The following RNF38 variants were observed in gnomAD, a reference collection of about 807,000 sequenced individuals.
The protein encoded by RNF38 is ring finger protein 38.
Under a neutral mutation model 67.2 loss-of-function variants are expected in RNF38, and 15 were observed. That is an observed-to-expected ratio of 0.22 (90% confidence interval 0.15 to 0.34). The LOEUF is 0.34. Ranked by LOEUF, RNF38 falls within the 10% of genes least tolerant of loss-of-function variation. RNF38 has a pLI of 1.00. For synonymous variants in RNF38, 220 were observed against 218.8 expected (o/e 1.01, Z -0.05); for missense variants, 524 against 639.9 (o/e 0.82, Z 1.95).
At chr9:36,402,467 T>C (rs1838073032), upstream of RNF38, among the ~76,000 whole-genome samples, 1 of 150,212 alleles carries the variant, frequency 6.7e-6, no homozygotes, top group South Asian at 2.1e-4. Context: ...GCCTTCCAAT[T>C]ACAGATCTTC....
intron 1 of RNF38, among the ~76,000 whole-genome samples, chr9:36,394,371 G>T (rs894819460): frequency 1.3e-5 from 2 of 152,128 alleles, no homozygotes; most frequent in African/African-American, 4.8e-5. Flanking sequence ...CATGGAAATT[G>T]TAAGGAAATA....
intron 2 of RNF38, among the ~76,000 whole-genome samples, chr9:36,409,755 G>A (rs747143551): frequency 9.9e-5 from 15 of 152,142 alleles, no homozygotes; most frequent in African/African-American, 2.9e-4. Flanking sequence ...TGTGATACAC[G>A]GTGCATCTCC....
chr9:36,389,360 AC>A (rs775969624), intron 2 of RNF38, among the ~76,000 whole-genome samples: 9 of 140,960 alleles, frequency 6.4e-5, no homozygotes, highest in African/African-American at 2.1e-4. Context: ...AAAAAAAAAA[AC>A]CCTTTTTATT....
Position 36,353,156 on chromosome 9 carries a change from C to G in RNF38, c.1071+14G>C. On this transcript the variant is annotated intron_variant, in intron 7 of 11. Coordinates refer to ENST00000259605, the MANE Select transcript of RNF38 (RefSeq NM_022781.5). ...CAAAGCAAGTAATTAACATAGTACT[C>G]TGTGAAAACTTACTACTCCAAAGGA... is the stretch of plus-strand genomic sequence containing the variant. 1 of 1,609,076 alleles carries G rather than the reference C, an allele frequency of 6.2e-7. No individual in the cohort carries two copies. The highest frequency in any genetic ancestry group is 1.1e-5 in the South Asian group (1 of 90,962).
At chr9:36,386,730 C>T (rs1836667268) in intron 2 of RNF38, among the ~76,000 whole-genome samples, 1 of 152,202 alleles carries the variant, frequency 6.6e-6, no homozygotes, top group South Asian at 2.1e-4. Flanking sequence ...TCTGGTCATC[C>T]TCACTGCTAC....
At position 36,347,143 on chromosome 9, in the gene RNF38, G is replaced by T. The variant is rs1299892351; in HGVS notation, c.1264-2190C>A. ...CTCGGGGGGGGGGGGGGGGGGGGGG[G>T]GGGGGGAAGTAAATTGCCAAATTGA... On this transcript the variant is annotated intron_variant, in intron 9 of 11. Coordinates refer to ENST00000259605, the MANE Select transcript of RNF38 (RefSeq NM_022781.5). 1.0e-3 allele frequency among the ~76,000 whole-genome samples: 56 copies of T among 54,350 alleles called. 1 individual carries two copies. Among genetic ancestry groups the T allele is most frequent in the Admixed American group, 4.7e-3 (20 of 4,216 alleles). The allele number at this position is 54,350 out of a possible 152,430, so 35.7% of individuals were successfully genotyped here.
rs144549185 is a variant in RNF38, at chr9:36,338,760, TAAAA to T, written c.*988_*991del. 1 of 151,952 alleles carries T rather than the reference TAAAA, an allele frequency of 6.6e-6. No individual in the cohort carries two copies. Among genetic ancestry groups the T allele is most frequent in the Non-Finnish European group, 1.5e-5 (1 of 67,914 alleles). 9.4% of individuals were successfully genotyped at this position (151,952 alleles called of 1,614,324 possible). A position where few individuals can be genotyped will look rare whatever the true frequency, so the allele number is the denominator to read the frequency against. On this transcript the variant is annotated 3_prime_UTR_variant, in exon 12 of 12. Transcript: ENST00000259605. ...TAGACTAGACTACAAATCTAAACAT[TAAAA>T]AAAATCACAGGTACTTTCTGTAAGA...
chr9:36,374,773 C>T (rs1226539538), intron 3 of RNF38, among the ~76,000 whole-genome samples: 4 of 152,178 alleles, frequency 2.6e-5, no homozygotes, highest in South Asian at 2.1e-4. Flanking sequence ...TGAGCCACCC[C>T]GGCGCATTGC....
At chr9:36,446,266 T>C (rs1038578848) in intron 1 of RNF38, among the ~76,000 whole-genome samples, 1 of 152,200 alleles carries the variant, frequency 6.6e-6, no homozygotes, top group Non-Finnish European at 1.5e-5. Flanking sequence ...AGGGTTAGTT[T>C]CTGTTCCTGG....
intron 4 of RNF38, among the ~76,000 whole-genome samples, chr9:36,359,921 T>G (rs1819590420): frequency 6.6e-6 from 1 of 151,678 alleles, no homozygotes; most frequent in East Asian, 1.9e-4. Flanking sequence ...GCTTTTTTTT[T>G]TAAATTAGAG....
chr9:36,447,808 T>A (rs1468459331), intron 1 of RNF38, among the ~76,000 whole-genome samples: 1 of 152,194 alleles, frequency 6.6e-6, no homozygotes, highest in Non-Finnish European at 1.5e-5. Flanking sequence ...AGCTTGAGAT[T>A]TTAACACTGG....
chr9:36,377,550 C>A (rs753633719), intron 2 of RNF38, among the ~76,000 whole-genome samples: 20 of 152,008 alleles, frequency 1.3e-4, no homozygotes, highest in Non-Finnish European at 2.8e-4. Flanking sequence ...AATTAAAATA[C>A]AAAACACAAA....
Position 36,336,567 on chromosome 9 carries a change from G to C in RNF38, c.*3185C>G, listed in dbSNP as rs1199055251. 6.6e-6 allele frequency: 1 copy of C among 152,428 alleles called. No homozygotes were observed. The highest frequency in any genetic ancestry group is 1.5e-5 in the Non-Finnish European group (1 of 68,004). 9.4% of individuals were successfully genotyped at this position (152,428 alleles called of 1,614,324 possible). A position where few individuals can be genotyped will look rare whatever the true frequency, so the allele number is the denominator to read the frequency against. On this transcript the variant is annotated 3_prime_UTR_variant, in exon 12 of 12. Transcript: ENST00000259605. ...AATTTATCAAGCCTTCAAATGATTT[G>C]GTTACAGATATTTATAATACATACA...
chr9:36,475,783 C>T (rs1840106791), intron 1 of RNF38, among the ~76,000 whole-genome samples: 2 of 150,424 alleles, frequency 1.3e-5, no homozygotes, highest in South Asian at 2.1e-4. Context: ...TTTGGGAGGC[C>T]GAGGCAGGCG....
At chr9:36,368,689 TAAG>T (rs1835151663) in intron 4 of RNF38, among the ~76,000 whole-genome samples, 1 of 152,186 alleles carries the variant, frequency 6.6e-6, no homozygotes, top group Non-Finnish European at 1.5e-5. Flanking sequence ...ATGTCTGGCA[TAAG>T]AAGAGTATCT....
chr9:36,403,773 A>G (rs767776574), upstream of RNF38, among the ~76,000 whole-genome samples: 5 of 152,224 alleles, frequency 3.3e-5, no homozygotes, highest in Non-Finnish European at 5.9e-5. Flanking sequence ...ACTGCATAGG[A>G]TTTTAGAACT....
At chr9:36,452,119 AG>A (rs1264450917) in intron 1 of RNF38, among the ~76,000 whole-genome samples, 3 of 152,098 alleles carry the variant, frequency 2.0e-5, no homozygotes, top group Non-Finnish European at 1.5e-5. Context: ...GCTACTCAGG[AG>A]GCTGAAGTGG....
Position 36,359,161 on chromosome 9 carries a change from T to A in RNF38, c.571-1219A>T, listed in dbSNP as rs568524473. On this transcript the variant is annotated intron_variant, in intron 4 of 11. Transcript: ENST00000259605. ...AGGTTGTCATAATCATTTGTAATTT[T>A]TTTATTTAAGAGGTATATGAATCTA... is the stretch of plus-strand genomic sequence containing the variant. Among the ~76,000 whole-genome samples the A allele has an allele frequency of 7.3e-4, 111 of 152,256 alleles. 4 individuals are homozygous for A. In the South Asian group the frequency reaches 0.023, roughly 31 times the overall value.
At chr9:36,378,565 A>T (rs1200273136) in intron 2 of RNF38, among the ~76,000 whole-genome samples, 1 of 152,198 alleles carries the variant, frequency 6.6e-6, no homozygotes, top group Non-Finnish European at 1.5e-5. Flanking sequence ...CCTACTCTGA[A>T]TAAGCCTAAT....
Sources: gnomAD v4.1 joint callset for allele counts (sites outside exome capture counted in the v4.1 genomes callset) on GRCh38, gnomAD v4.1.1 for gene constraint, MANE v1.5 for transcripts, NCBI Gene and HGNC (gene_info 2026-07-23, HGNC 2026-07-21) for gene names.